PARL: variants seen among roughly 807,000 people sequenced by gnomAD.
PARL encodes the protein presenilin-associated rhomboid-like protein, mitochondrial.
PARL carries 44 observed loss-of-function variants against 51.6 expected under a neutral mutation model. The ratio of observed to expected loss-of-function variants is 0.85; its 90% CI spans 0.67 to 1.10. The LOEUF (loss-of-function observed/expected upper bound fraction) is 1.10. Among genes scored for constraint, PARL ranks in the 50% least tolerant of loss-of-function variants. The pLI is 0.00. For missense variants in PARL, 441 were observed against 469.5 expected (o/e 0.94, Z 0.56); for synonymous variants, 172 against 164.0 (o/e 1.05, Z -0.37).
At chr3:183,874,120 C>T (rs995443076) in intron 1 of PARL, among the ~76,000 whole-genome samples, 3 of 152,154 alleles carry the variant, frequency 2.0e-5, no homozygotes, top group African/African-American at 7.2e-5. Flanking sequence ...TCTCACAACA[C>T]TTCAATTTTT....
Position 183,830,045 on chromosome 3 carries a change from T to C in PARL, c.1029-336A>G, listed in dbSNP as rs562141261. 1.2e-4 allele frequency among the ~76,000 whole-genome samples: 18 copies of C among 152,314 alleles called. 1 individual carries two copies. Among genetic ancestry groups the C allele is most frequent in the Admixed American group, 1.1e-3 (17 of 15,298 alleles). ...GAAAGTAGTTTGTCCAAGGTGCTAA[T>C]AGTTTCTAAGTGGTCAATGAAAGCT... On this transcript the variant is annotated intron_variant, in intron 9 of 9. Coordinates refer to ENST00000317096, the MANE Select transcript of PARL (RefSeq NM_018622.7).
chr3:183,875,942 T>A (rs1270681895), intron 1 of PARL, among the ~76,000 whole-genome samples: 1 of 152,178 alleles, frequency 6.6e-6, no homozygotes, highest in Non-Finnish European at 1.5e-5. Flanking sequence ...CTAGAACCCT[T>A]AAGAATGATG....
intron 1 of PARL, among the ~76,000 whole-genome samples, chr3:183,871,951 A>T (rs1389575005): frequency 1.3e-5 from 2 of 152,168 alleles, no homozygotes; most frequent in African/African-American, 4.8e-5. Flanking sequence ...AAATAAATGA[A>T]ACTCAGAATA....
intron 1 of PARL, among the ~76,000 whole-genome samples, chr3:183,870,348 C>CT (rs1388111529): frequency 5.3e-5 from 8 of 150,170 alleles, no homozygotes; most frequent in Non-Finnish European, 1.0e-4. Context: ...AAAGCCAACT[C>CT]TATCAAAAAT....
At position 183,866,757 on chromosome 3, in the gene PARL, G is replaced by T. The variant is rs752508457; in HGVS notation, c.330C>A (p.Gly110=). The T allele has an allele frequency of 1.8e-5, 29 of 1,593,754 alleles. No individual in the cohort carries two copies. The highest frequency in any genetic ancestry group is 2.5e-5 in the Non-Finnish European group (29 of 1,161,988). ...AAATAGCAGCTGATCCAAATGCACA[G>T]CCTGTAAACTATATAAAATTAGATA... ...KPLFFTVGFT[G]CAFGSAAIWQ... is the part of the protein sequence containing the mutation. The change falls in exon 3 of 10, where the codon GGC becomes GGA. Residue 110 remains glycine (G), a synonymous_variant. Coordinates refer to ENST00000317096, the MANE Select transcript of PARL (RefSeq NM_018622.7).
At chr3:183,828,948 C>T (rs528508431), downstream of PARL, among the ~76,000 whole-genome samples, 1 of 152,292 alleles carries the variant, frequency 6.6e-6, no homozygotes, top group South Asian at 2.1e-4. Context: ...TGAGACGCTT[C>T]AATTAGAACA....
At chr3:183,844,622 A>C in intron 4 of PARL, 1 of 320,010 alleles carries the variant, frequency 3.1e-6, no homozygotes, top group South Asian at 3.9e-5. Context: ...AATTATAATC[A>C]GATCAATAAT....
chr3:183,865,398 G>T (rs941425424), intron 3 of PARL, among the ~76,000 whole-genome samples: 1 of 152,138 alleles, frequency 6.6e-6, no homozygotes, highest in African/African-American at 2.4e-5. Context: ...CTAAAGCCAG[G>T]GTCCCCAACA....
intron 6 of PARL, among the ~76,000 whole-genome samples, chr3:183,840,949 C>T (rs1209313275): frequency 3.3e-5 from 5 of 152,078 alleles, no homozygotes; most frequent in African/African-American, 7.2e-5. Context: ...TGTGAGGGTA[C>T]GGGCATGAAT....
chr3:183,882,220 AAAATATATATATATATATATATATTT>A (rs1266059802), intron 1 of PARL, among the ~76,000 whole-genome samples: 19 of 60,864 alleles, frequency 3.1e-4, no homozygotes, highest in African/African-American at 1.9e-3. Flanking sequence ...AAAAAAAAAA[AAAATATATATATATATATATATATTT>A]ATATATATAT....
intron 1 of PARL, among the ~76,000 whole-genome samples, chr3:183,881,662 G>A (rs901943591): frequency 6.6e-6 from 1 of 152,144 alleles, no homozygotes; most frequent in African/African-American, 2.4e-5. Context: ...GCAGGCTGAC[G>A]CAGGGGGATC....
downstream of PARL, among the ~76,000 whole-genome samples, chr3:183,828,537 C>T (rs538965733): frequency 3.9e-5 from 6 of 152,310 alleles, no homozygotes; most frequent in Admixed American, 3.9e-4. Context: ...ATAGTAGAAA[C>T]AAGTCCAGCC....
rs1728193494 is a variant in PARL at position 183,833,513 on chromosome 3, A to G, written c.1007T>C (p.Leu336Pro). The G allele has an allele frequency of 6.2e-7, 1 of 1,611,938 alleles. No homozygotes were observed. Among genetic ancestry groups the G allele is most frequent in the Non-Finnish European group, 8.5e-7 (1 of 1,177,980 alleles). ...TTACATTCCAAAAAGAGCTCCCCCA[A>G]GATGTGCCGCATGATCAAAAAATTT... is the stretch of plus-strand genomic sequence containing the variant. ...GWKFFDHAAHLGGALFGIWYV... is the reference protein window; with the variant it reads ...GWKFFDHAAHPGGALFGIWYV... The change falls in exon 9 of 10, where the codon CTT (leucine) becomes CCT (proline). Residue 336 changes from leucine (L) to proline (P), a missense_variant. Leu to Pro is a moderately conservative substitution (Grantham distance 98). Transcript: ENST00000317096.
At chr3:183,847,558 T>C (rs1730101875) in intron 4 of PARL, among the ~76,000 whole-genome samples, 1 of 151,686 alleles carries the variant, frequency 6.6e-6, no homozygotes, top group Non-Finnish European at 1.5e-5. Flanking sequence ...AGGGAGACCC[T>C]GTCTCAAAAT....
chr3:183,833,663 A>G (rs2050334240), intron 8 of PARL, 61 bp downstream of exon 8: 2 of 1,451,214 alleles, frequency 1.4e-6, no homozygotes, highest in South Asian at 2.3e-5. Flanking sequence ...AAGGGCAAGA[A>G]CCCACTCAAC....
chr3:183,862,529 ATCAG>A (rs1432561628), intron 4 of PARL: 1 of 521,344 alleles, frequency 1.9e-6, no homozygotes, highest in Non-Finnish European at 3.5e-6. Flanking sequence ...AAACTGATCA[ATCAG>A]TATCATACTA....
chr3:183,844,507 G>A (rs1729726458), intron 4 of PARL, 181 bp from the exon 5 acceptor site: 1 of 563,048 alleles, frequency 1.8e-6, no homozygotes, highest in Non-Finnish European at 3.2e-6. Context: ...GCACTGCCTA[G>A]GGTTGGTAAA....
intron 4 of PARL, among the ~76,000 whole-genome samples, chr3:183,862,107 C>T (rs1382162405): frequency 6.6e-6 from 1 of 152,220 alleles, no homozygotes; most frequent in Admixed American, 6.5e-5. Flanking sequence ...AAATAACTGA[C>T]TCCATGAAAT....
chr3:183,883,580 T>C, intron 1 of PARL: 1 of 985,072 alleles, frequency 1.0e-6, no homozygotes, highest in Non-Finnish European at 1.2e-6. Flanking sequence ...CCAGTATTAA[T>C]CTTTTCTTTC....
Sources: gnomAD v4.1 joint callset for allele counts (sites outside exome capture counted in the v4.1 genomes callset) on GRCh38, gnomAD v4.1.1 for gene constraint, MANE v1.5 for transcripts, NCBI Gene and HGNC (gene_info 2026-07-23, HGNC 2026-07-21) for gene names.